SYT16: variants seen among roughly 807,000 people sequenced by gnomAD.
The protein encoded by SYT16 is synaptotagmin 16.
A neutral mutation model predicts 61.4 loss-of-function variants in SYT16; 42 were observed. The observed-to-expected ratio is 0.68, with a 90% CI of 0.53 to 0.89. SYT16 has a LOEUF of 0.89. Among genes scored for constraint, SYT16 ranks in the 40% least tolerant of loss-of-function variants. The pLI, the probability that SYT16 is intolerant of heterozygous loss-of-function variation, is 0.00. For missense variants in SYT16, 804 were observed against 807.3 expected, an observed-to-expected ratio of 1.00 and a Z score of 0.05; for synonymous variants, 314 against 302.3, an observed-to-expected ratio of 1.04 and a Z score of -0.40.
At chr14:61,883,155 C>G (rs2047764277) in intron 1 of SYT16, among the ~76,000 whole-genome samples, 1 of 152,202 alleles carries the variant, frequency 6.6e-6, no homozygotes, top group South Asian at 2.1e-4. Flanking sequence ...CCAGGAAGGT[C>G]TCTGACATGC....
At chr14:62,039,867 A>G (rs1319496675) in intron 3 of SYT16, among the ~76,000 whole-genome samples, 5 of 141,418 alleles carry the variant, frequency 3.5e-5, no homozygotes, top group Non-Finnish European at 7.7e-5. Context: ...ACACACACAC[A>G]CACACACACA....
intron 1 of SYT16, among the ~76,000 whole-genome samples, chr14:61,860,505 T>C (rs2046929605): frequency 6.6e-6 from 1 of 152,098 alleles, no homozygotes; most frequent in African/African-American, 2.4e-5. Flanking sequence ...GAGCCCTTGG[T>C]TACTGACTTG....
intron 1 of SYT16, among the ~76,000 whole-genome samples, chr14:61,940,452 G>A (rs1202284151): frequency 5.3e-5 from 8 of 152,242 alleles, no homozygotes; most frequent in Admixed American, 4.6e-4. Context: ...AGGCAGAATA[G>A]CAGAGTGATT....
At chr14:61,918,481 A>G (rs1356736998) in intron 1 of SYT16, among the ~76,000 whole-genome samples, 1 of 152,142 alleles carries the variant, frequency 6.6e-6, no homozygotes, top group African/African-American at 2.4e-5. Context: ...ATGTCCAGTG[A>G]TGAGGGGACT....
intron 3 of SYT16, among the ~76,000 whole-genome samples, chr14:62,064,069 G>T (rs978342758): frequency 6.6e-6 from 1 of 152,150 alleles, no homozygotes; most frequent in Non-Finnish European, 1.5e-5. Flanking sequence ...TTAATTGGAT[G>T]AAGAGGTAAA....
At chr14:62,059,547 A>G (rs2055721334) in intron 3 of SYT16, among the ~76,000 whole-genome samples, 1 of 151,706 alleles carries the variant, frequency 6.6e-6, no homozygotes, top group Non-Finnish European at 1.5e-5. Context: ...TTTTTCTGGT[A>G]TGGTTAATGC....
intron 1 of SYT16, among the ~76,000 whole-genome samples, chr14:61,816,802 G>T (rs2045444141): frequency 6.6e-6 from 1 of 150,998 alleles, no homozygotes; most frequent in Non-Finnish European, 1.5e-5. Context: ...ACGAGGTCAG[G>T]AGATGAAGAC....
chr14:62,003,639 T>G (rs758680588), intron 3 of SYT16, among the ~76,000 whole-genome samples: 1 of 152,076 alleles, frequency 6.6e-6, no homozygotes, highest in Non-Finnish European at 1.5e-5. Flanking sequence ...AAGTGGAAGC[T>G]GGAACATAGA....
chr14:61,904,609 A>C (rs999794541), intron 1 of SYT16, among the ~76,000 whole-genome samples: 1 of 152,210 alleles, frequency 6.6e-6, no homozygotes, highest in Non-Finnish European at 1.5e-5. Context: ...GGGAGCTACC[A>C]AGGAAAGAGT....
At chr14:61,942,243 C>T (rs2050239213) in intron 1 of SYT16, among the ~76,000 whole-genome samples, 1 of 152,068 alleles carries the variant, frequency 6.6e-6, no homozygotes, top group East Asian at 1.9e-4. Flanking sequence ...GTCCCTTTTT[C>T]AAGTCTTGTT....
At chr14:62,084,073 C>G in intron 6 of SYT16, 123 bp from the exon 7 acceptor site, 1 of 1,193,172 alleles carries the variant, frequency 8.4e-7, no homozygotes, top group South Asian at 1.5e-5. Context: ...CGAGTGCGCC[C>G]TTAGTCATCT....
At chr14:61,954,912 TCAAA>T (rs1349277437) in intron 1 of SYT16, among the ~76,000 whole-genome samples, 4 of 152,148 alleles carry the variant, frequency 2.6e-5, no homozygotes, top group Non-Finnish European at 5.9e-5. Context: ...GAAATAACTC[TCAAA>T]CAAAATCTAA....
chr14:61,984,502 G>A (rs1028328153), intron 2 of SYT16, among the ~76,000 whole-genome samples: 1 of 152,022 alleles, frequency 6.6e-6, no homozygotes, highest in Admixed American at 6.6e-5. Context: ...ATTCTTTTTG[G>A]AATGAAATTT....
Position 62,112,075 on chromosome 14 carries a change from T to C in SYT16, c.*11368T>C, listed in dbSNP as rs2141046036. The stretch of plus-strand genomic sequence containing the variant: ...ATACCTTTCTACCTTTTGTAGTCTT[T>C]AAGATTTCATAATGATGGTTTTAAT... On this transcript the variant is annotated 3_prime_UTR_variant, in exon 8 of 8. Transcript: ENST00000683842. 1 of 152,282 alleles carries C rather than the reference T, an allele frequency of 6.6e-6. No homozygotes were observed. The highest frequency in any genetic ancestry group is 2.1e-4 in the South Asian group (1 of 4,832). 9.4% of individuals were successfully genotyped at this position (152,282 alleles called of 1,614,324 possible).
chr14:62,009,994 A>C (rs980509487), intron 3 of SYT16, among the ~76,000 whole-genome samples: 1 of 152,088 alleles, frequency 6.6e-6, no homozygotes, highest in East Asian at 1.9e-4. Flanking sequence ...CTTCCTATTC[A>C]TTTGACATCC....
intron 3 of SYT16, among the ~76,000 whole-genome samples, chr14:62,011,637 G>A (rs996581367): frequency 6.6e-6 from 1 of 151,944 alleles, no homozygotes; most frequent in Admixed American, 6.6e-5. Context: ...GAAGATTCCA[G>A]AAGTGGAAAG....
rs1324270147 is a variant in SYT16 at position 62,107,995 on chromosome 14, AAG to A, written c.*7291_*7292del. ...GGCATTGCTACCCTTTGCTTTTTGAAAGAGTGAACTGGTAACAGTAGCCGCCA... is the reference window on the plus strand; with the variant it reads ...GGCATTGCTACCCTTTGCTTTTTGAAAGTGAACTGGTAACAGTAGCCGCCA... On this transcript the variant is annotated 3_prime_UTR_variant, in exon 8 of 8. Transcript: ENST00000683842. The A allele has an allele frequency of 6.6e-6, 1 of 152,188 alleles. No individual in the cohort carries two copies. The highest frequency in any genetic ancestry group is 1.5e-5 in the Non-Finnish European group (1 of 68,020). 9.4% of individuals were successfully genotyped at this position (152,188 alleles called of 1,614,324 possible).
At chr14:62,048,313 A>G (rs1276169079) in intron 3 of SYT16, among the ~76,000 whole-genome samples, 7 of 152,146 alleles carry the variant, frequency 4.6e-5, no homozygotes, top group African/African-American at 9.7e-5. Flanking sequence ...CTGTGGGATC[A>G]GTGGTGATAT....
intron 3 of SYT16, among the ~76,000 whole-genome samples, chr14:62,068,761 AACAC>A (rs71449578): frequency 1.4e-3 from 210 of 150,992 alleles, no homozygotes; most frequent in African/African-American, 4.7e-3. Context: ...AATGAGTTAA[AACAC>A]ACACACACAC....
Sources: gnomAD v4.1 joint callset for allele counts (sites outside exome capture counted in the v4.1 genomes callset) on GRCh38, gnomAD v4.1.1 for gene constraint, MANE v1.5 for transcripts, NCBI Gene and HGNC (gene_info 2026-07-23, HGNC 2026-07-21) for gene names.